R3HCC1L: variants seen among roughly 807,000 people sequenced by gnomAD.
R3HCC1L encodes R3H domain and coiled-coil containing 1 like.
In R3HCC1L, 51 loss-of-function variants were observed where a neutral mutation model predicts 59.9. The observed-to-expected ratio is 0.85, with a 90% confidence interval of 0.68 to 1.07. The LOEUF (loss-of-function observed/expected upper bound fraction) is 1.07, where lower values mean the gene tolerates loss of function less well. R3HCC1L is among the 50% of genes least tolerant of loss of function. R3HCC1L has a pLI of 0.00. For missense variants in R3HCC1L, 965 were observed against 933.0 expected (o/e 1.03, Z -0.45); for synonymous variants, 322 against 315.2 (o/e 1.02, Z -0.23).
rs560265431 is a variant in R3HCC1L, at chr10:98,176,726, C to T, written c.-15+13329C>T. Among the ~76,000 whole-genome samples, 4 of 152,192 alleles carry T rather than the reference C, an allele frequency of 2.6e-5. No individual in the cohort carries two copies. The East Asian group carries it at 5.8e-4, about 22-fold the overall frequency. The stretch of plus-strand genomic sequence containing the variant: ...TCTGCCTTGCTGCACTGGCTAAAAC[C>T]TCCATTTTAATGTCAAATAGAAGTG... On this transcript the variant is annotated intron_variant, in intron 4 of 9. Coordinates refer to ENST00000298999, the MANE Select transcript of R3HCC1L (RefSeq NM_001351015.2).
rs1857901014 is a variant in R3HCC1L, at chr10:98,244,452, G to A, written c.*294G>A. 1.7e-5 allele frequency: 5 copies of A among 287,332 alleles called. No individual in the cohort carries two copies. Among genetic ancestry groups the A allele is most frequent in the South Asian group, 5.3e-5 (1 of 18,992 alleles). The allele number at this position is 287,332 out of a possible 1,614,324, so 17.8% of individuals were successfully genotyped here. A position where few individuals can be genotyped will look rare whatever the true frequency, so the allele number is the denominator to read the frequency against. ...CCTGGACAGGGCAAGTCATGTTAGCGTGGGTCACACTTCCAAGATATTTAA... is the reference window on the plus strand; with the variant it reads ...CCTGGACAGGGCAAGTCATGTTAGCATGGGTCACACTTCCAAGATATTTAA... On this transcript the variant is annotated 3_prime_UTR_variant, in exon 10 of 10. Coordinates refer to ENST00000298999, the MANE Select transcript of R3HCC1L (RefSeq NM_001351015.2).
Position 98,235,478 on chromosome 10 carries a change from CAGGCCACA to C in R3HCC1L, c.2089_2096del (p.Ala697SerfsTer7). 6.2e-7 allele frequency: 1 copy of C among 1,613,762 alleles called. No homozygotes were observed. The highest frequency in any genetic ancestry group is 1.1e-5 in the South Asian group (1 of 91,042). ...CATGGTGAAGATTCGTCCCTTGTCA[CAGGCCACA>C]AGAGCAGCCAAGGCCAAAGCTAGAG... On this transcript the variant is annotated frameshift_variant, in exon 8 of 10. Coordinates refer to ENST00000298999, the MANE Select transcript of R3HCC1L (RefSeq NM_001351015.2). LOFTEE classifies it high-confidence loss of function.
At chr10:98,215,584 G>A (rs191814686) in intron 5 of R3HCC1L, among the ~76,000 whole-genome samples, 210 of 152,210 alleles carry the variant, frequency 1.4e-3, no homozygotes, top group Middle Eastern at 6.8e-3. Context: ...CTTTGATGAC[G>A]CAGCATTTCT....
Position 98,209,164 on chromosome 10 carries a change from T to A in R3HCC1L, c.1050T>A (p.Pro350=), listed in dbSNP as rs1264429162. 1 of 1,613,792 alleles carries A rather than the reference T, an allele frequency of 6.2e-7. No individual in the cohort carries two copies. The highest frequency in any genetic ancestry group is 1.7e-5 in the Admixed American group (1 of 59,998). The part of the protein sequence containing the change: ...ADELHVKHEP[P]DTAVLAHETH... ...AGTTACATGTAAAGCACGAACCTCC[T>A]GATACAGCTGTCCTTGCTCATGAAA... Residue 350 remains proline (P), a synonymous_variant, in exon 5 of 10, where the codon CCT becomes CCA. Transcript: ENST00000298999.
chr10:98,238,573 T>C (rs2135732430), intron 9 of R3HCC1L, among the ~76,000 whole-genome samples: 1 of 151,792 alleles, frequency 6.6e-6, no homozygotes, highest in South Asian at 2.1e-4. Context: ...AGTGATACCA[T>C]CTTGAGTTTA....
intron 9 of R3HCC1L, among the ~76,000 whole-genome samples, chr10:98,239,901 G>T (rs1196481134): frequency 6.6e-6 from 1 of 152,010 alleles, no homozygotes; most frequent in Non-Finnish European, 1.5e-5. Context: ...TCTCTGTGTT[G>T]CCTAGGCTAG....
intron 4 of R3HCC1L, among the ~76,000 whole-genome samples, chr10:98,176,151 A>G (rs527546162): frequency 3.3e-5 from 5 of 152,180 alleles, no homozygotes; most frequent in East Asian, 3.9e-4. Context: ...CCTTTCTCCA[A>G]TGTGACACTT....
rs184414821 is a variant in R3HCC1L at position 98,228,767 on chromosome 10, G to A, written c.1786-2745G>A. Among the ~76,000 whole-genome samples, 1,484 of 152,232 alleles carry A rather than the reference G, an allele frequency of 9.7e-3. 33 individuals carry two copies. The highest frequency in any genetic ancestry group is 0.035 in the African/African-American group (1,433 of 41,532). On this transcript the variant is annotated intron_variant, in intron 5 of 9. Transcript: ENST00000298999. ...TCTTGAATTAATTTTTGTATAAGGT[G>A]TAAGGAAGAGATCCAGTTTCAGCTT...
intron 5 of R3HCC1L, 107 bp downstream of exon 5, chr10:98,210,006 G>T (rs1452899526): frequency 4.8e-6 from 4 of 827,318 alleles, no homozygotes; most frequent in Non-Finnish European, 7.5e-6. Context: ...AAGAGTTCCT[G>T]CAATAAACTA....
intron 6 of R3HCC1L, among the ~76,000 whole-genome samples, chr10:98,232,250 A>G (rs1856483791): frequency 6.6e-6 from 1 of 152,142 alleles, no homozygotes; most frequent in African/African-American, 2.4e-5. Context: ...TCAGCCTCCC[A>G]AAGTGCTGGG....
At position 98,235,481 on chromosome 10, in the gene R3HCC1L, G is replaced by C. The variant is rs751555095; in HGVS notation, c.2089G>C (p.Ala697Pro). The C allele has an allele frequency of 5.0e-6, 8 of 1,613,686 alleles. No individual in the cohort carries two copies. The highest frequency in any genetic ancestry group is 1.7e-4 in the Middle Eastern group (1 of 6,058). The change falls in exon 8 of 10, where the codon GCC becomes CCC. Residue 697 changes from alanine (A) to proline (P), a missense_variant. Physicochemically the swap from Ala to Pro is conservative, Grantham distance 27. Coordinates refer to ENST00000298999, the MANE Select transcript of R3HCC1L (RefSeq NM_001351015.2). Reference protein sequence around the residue: ...TMVKIRPLSQATRAAKAKARA... With the variant: ...TMVKIRPLSQPTRAAKAKARA... ...GGTGAAGATTCGTCCCTTGTCACAGGCCACAAGAGCAGCCAAGGCCAAAGC... is the reference window on the plus strand; with the variant it reads ...GGTGAAGATTCGTCCCTTGTCACAGCCCACAAGAGCAGCCAAGGCCAAAGC...
chr10:98,229,211 C>A (rs1485980262), intron 5 of R3HCC1L, among the ~76,000 whole-genome samples: 1 of 152,098 alleles, frequency 6.6e-6, no homozygotes, highest in Admixed American at 6.6e-5. Flanking sequence ...TTCTTCCTAC[C>A]CATGAGCATG....
In R3HCC1L at chr10:98,209,534, C is replaced by G. The variant is rs374730217; in HGVS notation, c.1420C>G (p.Pro474Ala). The part of the protein sequence containing the change: ...ESLSDCASSL[P>A]IKKIAGSNYN... ...CTTGTCAGATTGTGCTTCCTCCTTA[C>G]CTATAAAAAAGATTGCTGGTAGTAA... The change falls in exon 5 of 10, where the codon CCT (proline) becomes GCT (alanine). Residue 474 changes from proline to alanine, a missense_variant. Transcript: ENST00000298999. The G allele has an allele frequency of 3.3e-5, 53 of 1,613,690 alleles. No homozygotes were observed. Among genetic ancestry groups the G allele is most frequent in the Non-Finnish European group, 4.2e-6 (5 of 1,179,944 alleles).
intron 5 of R3HCC1L, among the ~76,000 whole-genome samples, chr10:98,225,100 A>T (rs374471053): frequency 4.6e-5 from 7 of 152,326 alleles, no homozygotes; most frequent in Middle Eastern, 3.4e-3. Context: ...GGGATATTTT[A>T]TACTTACAGC....
chr10:98,204,134 C>G (rs1034136470), intron 4 of R3HCC1L, among the ~76,000 whole-genome samples: 14 of 152,188 alleles, frequency 9.2e-5, no homozygotes, highest in Non-Finnish European at 1.8e-4. Flanking sequence ...ATCGGCCCAG[C>G]ACGGTGGCTT....
intron 4 of R3HCC1L, among the ~76,000 whole-genome samples, chr10:98,191,981 C>T (rs909216433): frequency 3.0e-4 from 45 of 152,048 alleles, no homozygotes; most frequent in Admixed American, 5.9e-4. Flanking sequence ...CCCGCCACCA[C>T]GCCTGGCTAA....
intron 4 of R3HCC1L, among the ~76,000 whole-genome samples, chr10:98,184,063 G>A (rs1406332124): frequency 6.6e-6 from 1 of 150,608 alleles, no homozygotes; most frequent in East Asian, 1.9e-4. Context: ...TGAGACGTGT[G>A]TGTGTGTGTG....
intron 9 of R3HCC1L, among the ~76,000 whole-genome samples, chr10:98,242,336 G>A (rs561878183): frequency 4.6e-5 from 7 of 152,112 alleles, no homozygotes; most frequent in Admixed American, 2.6e-4. Flanking sequence ...GTGACAGAGC[G>A]AGACTCCATC....
In R3HCC1L at chr10:98,163,416, T is replaced by G. The variant is rs897468504; in HGVS notation, c.-15+19T>G. On this transcript the variant is annotated intron_variant, in intron 4 of 9. Coordinates refer to ENST00000298999, the MANE Select transcript of R3HCC1L (RefSeq NM_001351015.2). Reference sequence around the variant, plus strand: ...TTACATGGTAAGTTGCCTTTACTTATGCATATTTTATAGAAATACTGTCTG... The same window carrying G: ...TTACATGGTAAGTTGCCTTTACTTAGGCATATTTTATAGAAATACTGTCTG... 7 of 1,279,738 alleles carry G rather than the reference T, an allele frequency of 5.5e-6. No homozygotes were observed. In the African/African-American group the frequency reaches 6.0e-5, roughly 11 times the overall value. The allele number at this position is 1,279,738 out of a possible 1,614,324, so 79.3% of individuals were successfully genotyped here.
Sources: allele counts gnomAD v4.1 joint callset (sites outside exome capture counted in the v4.1 genomes callset), GRCh38; gene constraint gnomAD v4.1.1; transcripts MANE v1.5; gene names NCBI Gene and HGNC (gene_info 2026-07-23, HGNC 2026-07-21).